Variants in GOLM1 observed in about 807,000 individuals in gnomAD.
The protein encoded by GOLM1 is epididymis luminal protein 46.
In GOLM1, 31 loss-of-function variants were observed where a neutral mutation model predicts 50.5. The observed-to-expected ratio is 0.61, with a 90% CI of 0.46 to 0.83. The LOEUF (loss-of-function observed/expected upper bound fraction) is 0.83. GOLM1 is among the 40% of genes least tolerant of loss of function. GOLM1 has a pLI of 0.00. For synonymous variants in GOLM1, 178 were observed against 192.8 expected (o/e 0.92, Z 0.64); for missense variants, 491 against 501.3 (o/e 0.98, Z 0.20).
intron 9 of GOLM1, among the ~76,000 whole-genome samples, chr9:86,031,290 G>A (rs1282611144): frequency 6.6e-6 from 1 of 151,998 alleles, no homozygotes; most frequent in Non-Finnish European, 1.5e-5. Flanking sequence ...GACTCCTGCT[G>A]CCCTGAGGAT....
rs201214319 is a variant in GOLM1 at position 86,079,216 on chromosome 9, C to T, written c.105G>A (p.Ala35=). 1.4e-4 allele frequency: 226 copies of T among 1,600,688 alleles called. No homozygotes were observed. The African/African-American group carries it at 2.3e-3, about 17-fold the overall frequency. ...IIVLGFNYWI[A]SSRSVDLQTR... ...CCTGGAGGTCCACGCTCCGGGAGCT[C>T]GCAATCCAGTAGTTGAAGCCCAAGA... The change falls in exon 2 of 10, where the codon GCG becomes GCA. Residue 35 remains alanine (A), a synonymous_variant. Coordinates refer to ENST00000388712, the MANE Select transcript of GOLM1 (RefSeq NM_016548.4).
At chr9:86,096,842 G>A (rs1031531124) in intron 1 of GOLM1, among the ~76,000 whole-genome samples, 1 of 152,096 alleles carries the variant, frequency 6.6e-6, no homozygotes, top group African/African-American at 2.4e-5. Flanking sequence ...ATACAGAAGA[G>A]TGTTAAAAAA....
chr9:86,028,418 A>G (rs1832854953), intron 9 of GOLM1, among the ~76,000 whole-genome samples: 1 of 152,240 alleles, frequency 6.6e-6, no homozygotes, highest in African/African-American at 2.4e-5. Context: ...GCCAGACTCC[A>G]GAGGAAGACT....
At chr9:86,085,916 G>T (rs1193535902) in intron 1 of GOLM1, among the ~76,000 whole-genome samples, 1 of 152,128 alleles carries the variant, frequency 6.6e-6, no homozygotes, top group Non-Finnish European at 1.5e-5. Flanking sequence ...TTGCTATCGT[G>T]AACAGTGCCG....
chr9:86,061,217 A>G (rs992277931), intron 3 of GOLM1, among the ~76,000 whole-genome samples: 12 of 152,190 alleles, frequency 7.9e-5, no homozygotes, highest in African/African-American at 2.9e-4. Context: ...ATTGATAATT[A>G]AATCTGCCAA....
chr9:86,081,194 ATT>A (rs141790142), intron 1 of GOLM1, among the ~76,000 whole-genome samples: 60,469 of 133,210 alleles, frequency 0.45, 13,838 homozygotes, highest in Non-Finnish European at 0.56. Flanking sequence ...AGCCTCAATG[ATT>A]TTTTTTTTTT....
chr9:86,085,657 G>A (rs1156731460), intron 1 of GOLM1, among the ~76,000 whole-genome samples: 1 of 151,880 alleles, frequency 6.6e-6, no homozygotes, highest in Non-Finnish European at 1.5e-5. Flanking sequence ...ACAGGCCCTG[G>A]TGTGTGATGT....
chr9:86,090,803 A>AAAC (rs1169822433), intron 1 of GOLM1, among the ~76,000 whole-genome samples: 3 of 151,234 alleles, frequency 2.0e-5, no homozygotes, highest in Non-Finnish European at 4.4e-5. Context: ...AAAAAAAAAA[A>AAAC]AAAAAAAAAA....
At chr9:86,045,065 T>G (rs1264420636) in intron 5 of GOLM1, among the ~76,000 whole-genome samples, 1 of 152,234 alleles carries the variant, frequency 6.6e-6, no homozygotes, top group Non-Finnish European at 1.5e-5. Flanking sequence ...TATCTAATTT[T>G]ACTTTTATAA....
Position 86,035,327 on chromosome 9 carries a change from T to C in GOLM1, c.1015+41A>G, listed in dbSNP as rs561107187. On this transcript the variant is annotated intron_variant, in intron 8 of 9. Transcript: ENST00000388712. Reference sequence around the variant, plus strand: ...ACATGGAGGTGGGCTGGGTGTCTGGTGGAAGGGAGTCCACAGCGGCCCCCG... The same window carrying C: ...ACATGGAGGTGGGCTGGGTGTCTGGCGGAAGGGAGTCCACAGCGGCCCCCG... 16 of 1,598,602 alleles carry C rather than the reference T, an allele frequency of 1.0e-5. No homozygotes were observed. The South Asian group carries it at 1.7e-4, about 17-fold the overall frequency.
intron 5 of GOLM1, among the ~76,000 whole-genome samples, 185 bp from the exon 6 acceptor site, chr9:86,041,053 T>C (rs140676310): frequency 1.8e-3 from 267 of 152,268 alleles, no homozygotes; most frequent in African/African-American, 6.2e-3. Context: ...AGAAACACAC[T>C]AAAAATCATC....
At chr9:86,073,317 G>A (rs1834508069) in intron 3 of GOLM1, among the ~76,000 whole-genome samples, 1 of 152,140 alleles carries the variant, frequency 6.6e-6, no homozygotes, top group Non-Finnish European at 1.5e-5. Context: ...CATCCAGAGA[G>A]TCTGATCTAG....
chr9:86,092,876 G>A (rs766108071), intron 1 of GOLM1, among the ~76,000 whole-genome samples: 9 of 152,318 alleles, frequency 5.9e-5, no homozygotes, highest in Non-Finnish European at 1.0e-4. Context: ...TTTGGATTGC[G>A]GATGAGATGG....
chr9:86,075,088 C>T (rs559284898), intron 3 of GOLM1, among the ~76,000 whole-genome samples: 2 of 152,318 alleles, frequency 1.3e-5, no homozygotes, highest in South Asian at 2.1e-4. Context: ...AGCTGCCTTG[C>T]CCCTTCCACC....
intron 3 of GOLM1, among the ~76,000 whole-genome samples, chr9:86,056,784 A>T (rs559502173): frequency 6.6e-6 from 1 of 151,934 alleles, no homozygotes; most frequent in Admixed American, 6.6e-5. Context: ...GATTACAGGC[A>T]TGAGGCACTG....
At chr9:86,039,358 G>A (rs1010678603) in intron 6 of GOLM1, among the ~76,000 whole-genome samples, 8 of 152,178 alleles carry the variant, frequency 5.3e-5, no homozygotes, top group African/African-American at 1.9e-4. Flanking sequence ...GGTGGCAGTC[G>A]AAAATGGTAT....
intron 1 of GOLM1, among the ~76,000 whole-genome samples, chr9:86,088,426 A>C (rs1160494520): frequency 1.0e-5 from 1 of 98,258 alleles, no homozygotes; most frequent in East Asian, 6.4e-4. Context: ...GGGTGTATAT[A>C]TATATATATA....
chr9:86,043,986 T>C (rs550900549), intron 5 of GOLM1, among the ~76,000 whole-genome samples: 2 of 152,364 alleles, frequency 1.3e-5, no homozygotes, highest in South Asian at 4.1e-4. Context: ...AGGTACTTCA[T>C]TTCTGTCTAA....
chr9:86,060,876 CAAAAAAAAAAAAAAAAAAAAAAAAAA>C (rs753183065), intron 3 of GOLM1, among the ~76,000 whole-genome samples: 1 of 19,898 alleles, frequency 5.0e-5, no homozygotes, highest in African/African-American at 1.4e-4. Flanking sequence ...GAAACTCTCT[CAAAAAAAAAAAAAAAAAAAAAAAAAA>C]AAAAAAAAAA....
Sources: gnomAD v4.1 joint callset for allele counts (sites outside exome capture counted in the v4.1 genomes callset) on GRCh38, gnomAD v4.1.1 for gene constraint, MANE v1.5 for transcripts, NCBI Gene and HGNC (gene_info 2026-07-23, HGNC 2026-07-21) for gene names.